Variants in TENT5C observed in about 807,000 individuals in gnomAD.
TENT5C encodes the protein terminal nucleotidyltransferase 5C, also known as family with sequence similarity 46 member C.
TENT5C carries 5 observed loss-of-function variants against 22.2 expected under a neutral mutation model. The ratio of observed to expected loss-of-function variants is 0.22; its 90% CI spans 0.12 to 0.47. The LOEUF (loss-of-function observed/expected upper bound fraction) is 0.47, where lower values mean the gene tolerates loss of function less well. Among genes scored for constraint, TENT5C ranks in the 20% least tolerant of loss-of-function variants. The pLI, the probability that TENT5C is intolerant of heterozygous loss-of-function variation, is 0.99. For synonymous variants in TENT5C, 199 were observed against 195.4 expected (o/e 1.02, Z -0.15); for missense variants, 364 against 500.9 (o/e 0.73, Z 2.61).
chr1:117,625,843 G>A lies in TENT5C; in HGVS notation c.*1799G>A, dbSNP rs1467679258. 1 of 247,760 alleles carries A rather than the reference G, an allele frequency of 4.0e-6. No individual in the cohort carries two copies. Among genetic ancestry groups the A allele is most frequent in the Non-Finnish European group, 8.5e-6 (1 of 118,016 alleles). The allele number at this position is 247,760 out of a possible 1,614,324, so 15.3% of individuals were successfully genotyped here. A position where few individuals can be genotyped will look rare whatever the true frequency, so the allele number is the denominator to read the frequency against. Reference sequence around the variant, plus strand: ...TCAAGGCTTAGCTGGTATCTATGTTGTGCTACATTAGGTGACTAGAAGCCA... The same window carrying A: ...TCAAGGCTTAGCTGGTATCTATGTTATGCTACATTAGGTGACTAGAAGCCA... On this transcript the variant is annotated 3_prime_UTR_variant, in exon 2 of 2. Coordinates refer to ENST00000369448, the MANE Select transcript of TENT5C (RefSeq NM_017709.4).
At chr1:117,606,676 A>T (rs888825477) in intron 1 of TENT5C, among the ~76,000 whole-genome samples, 19 of 151,990 alleles carry the variant, frequency 1.3e-4, no homozygotes, top group Non-Finnish European at 5.9e-5. Flanking sequence ...CGGCGGTTTC[A>T]CTAGGCGCAG....
At chr1:117,612,174 C>A (rs1027437844) in intron 1 of TENT5C, among the ~76,000 whole-genome samples, 1 of 152,184 alleles carries the variant, frequency 6.6e-6, no homozygotes, top group Non-Finnish European at 1.5e-5. Context: ...TTGTCTCTTT[C>A]TTCCCAGTGC....
chr1:117,624,069 G>A lies in TENT5C; in HGVS notation c.*25G>A. 2 of 1,584,306 alleles carry A rather than the reference G, an allele frequency of 1.3e-6. No homozygotes were observed. Among genetic ancestry groups the A allele is most frequent in the Non-Finnish European group, 1.7e-6 (2 of 1,162,476 alleles). On this transcript the variant is annotated 3_prime_UTR_variant, in exon 2 of 2. Coordinates refer to ENST00000369448, the MANE Select transcript of TENT5C (RefSeq NM_017709.4). ...ACCTTGAGACCTGAGGGTTTCCACA[G>A]TGGGAACCCCAATAGGGCTAGGGCT...
intron 1 of TENT5C, among the ~76,000 whole-genome samples, chr1:117,610,349 C>A (rs1653639296): frequency 6.6e-6 from 1 of 152,118 alleles, no homozygotes; most frequent in South Asian, 2.1e-4. Flanking sequence ...CCCCCCATGG[C>A]AGAGTCTCCC....
In TENT5C at chr1:117,623,486, C is replaced by A; in HGVS notation, c.618C>A (p.Phe206Leu). The change falls in exon 2 of 2, where the codon TTC becomes TTA. Residue 206 changes from phenylalanine to leucine, a missense_variant. Phe to Leu is a conservative substitution (Grantham distance 22). Transcript: ENST00000369448. ...CCAATAATCCCATCTCTGAGCACTT[C>A]CACCCCACCGTGATTGGGGAGAGCA... ...DCSNNPISEHFHPTVIGESMY... is the reference protein window; with the variant it reads ...DCSNNPISEHLHPTVIGESMY... 1 of 1,614,072 alleles carries A rather than the reference C, an allele frequency of 6.2e-7. No individual in the cohort carries two copies. The highest frequency in any genetic ancestry group is 8.5e-7 in the Non-Finnish European group (1 of 1,180,006).
At chr1:117,615,880 C>T (rs926803295) in intron 1 of TENT5C, among the ~76,000 whole-genome samples, 3 of 152,124 alleles carry the variant, frequency 2.0e-5, no homozygotes, top group Admixed American at 6.5e-5. Context: ...ATGGTGGGGA[C>T]GGGGCAATGG....
rs1443052985 is a variant in TENT5C, at chr1:117,625,336, G to C, written c.*1292G>C. ...CATTCCAGTATATTTGGGAAGAATT[G>C]AGTGAATGAGAATGCTCTTCCTTAT... On this transcript the variant is annotated 3_prime_UTR_variant, in exon 2 of 2. Coordinates refer to ENST00000369448, the MANE Select transcript of TENT5C (RefSeq NM_017709.4). The C allele has an allele frequency of 4.0e-6, 1 of 248,034 alleles. No individual in the cohort carries two copies. The highest frequency in any genetic ancestry group is 2.2e-5 in the African/African-American group (1 of 45,344). 15.4% of individuals were successfully genotyped at this position (248,034 alleles called of 1,614,324 possible).
rs770804707 is a variant in TENT5C at position 117,623,464 on chromosome 1, A to G, written c.596A>G (p.Asn199Ser). ...DSLLFFYDCS[N>S]NPISEHFHPT... ...TTGCTTTTCTTCTATGACTGTTCCAATAATCCCATCTCTGAGCACTTCCAC... is the reference window on the plus strand; with the variant it reads ...TTGCTTTTCTTCTATGACTGTTCCAGTAATCCCATCTCTGAGCACTTCCAC... The change falls in exon 2 of 2, where the codon AAT becomes AGT. Residue 199 changes from asparagine to serine, a missense_variant. By Grantham distance (46) the Asn-to-Ser change is conservative. Transcript: ENST00000369448. 1.2e-6 allele frequency: 2 copies of G among 1,614,114 alleles called. No individual in the cohort carries two copies. Among genetic ancestry groups the G allele is most frequent in the Non-Finnish European group, 1.7e-6 (2 of 1,180,034 alleles).
At chr1:117,620,366 G>C (rs763025570) in intron 1 of TENT5C, among the ~76,000 whole-genome samples, 1 of 152,110 alleles carries the variant, frequency 6.6e-6, no homozygotes, top group African/African-American at 2.4e-5. Flanking sequence ...TCTGGTTTCC[G>C]TGTGACTTCT....
chr1:117,623,971 TCAG>T lies in TENT5C; in HGVS notation c.1106_1108del (p.Ser369del). On this transcript the variant is annotated inframe_deletion, in exon 2 of 2. Transcript: ENST00000369448. The stretch of plus-strand genomic sequence containing the variant: ...GCCCCTTACGTCAGTGATGGCAACT[TCAG>T]CAACTACTACGTTGCCCATCCTCCA... 1 of 1,613,938 alleles carries T rather than the reference TCAG, an allele frequency of 6.2e-7. No individual in the cohort carries two copies. The highest frequency in any genetic ancestry group is 8.5e-7 in the Non-Finnish European group (1 of 1,179,968).
At chr1:117,612,658 T>C (rs931574490) in intron 1 of TENT5C, among the ~76,000 whole-genome samples, 2 of 152,176 alleles carry the variant, frequency 1.3e-5, no homozygotes, top group African/African-American at 2.4e-5. Context: ...GAAGGATCCA[T>C]GCAAAACAAA....
At chr1:117,614,463 A>T (rs1341310201) in intron 1 of TENT5C, among the ~76,000 whole-genome samples, 5 of 152,192 alleles carry the variant, frequency 3.3e-5, no homozygotes, top group Non-Finnish European at 7.3e-5. Flanking sequence ...CAGGTTCAGC[A>T]TTCATGAGGT....
intron 1 of TENT5C, among the ~76,000 whole-genome samples, chr1:117,621,323 A>G (rs1052629652): frequency 7.2e-5 from 11 of 152,128 alleles, no homozygotes; most frequent in African/African-American, 2.4e-4. Context: ...TCCCCTCTCC[A>G]TAAGTGAACT....
intron 1 of TENT5C, 38 bp from the exon 2 acceptor site, chr1:117,622,804 A>G: frequency 1.4e-6 from 2 of 1,440,038 alleles, no homozygotes; most frequent in Admixed American, 1.8e-5. Context: ...GCCATGTAGA[A>G]GTGAATCCTA....
Position 117,623,376 on chromosome 1 carries a change from G to T in TENT5C, c.508G>T (p.Val170Phe), listed in dbSNP as rs1282197258. Reference protein sequence around the residue: ...KNGKNVELKFVDSIRRQFEFS... With the variant: ...KNGKNVELKFFDSIRRQFEFS... ...CGGGAAGAACGTGGAGCTGAAGTTTGTCGACTCCATTCGGCGTCAGTTTGA... is the reference window on the plus strand; with the variant it reads ...CGGGAAGAACGTGGAGCTGAAGTTTTTCGACTCCATTCGGCGTCAGTTTGA... The change falls in exon 2 of 2, where the codon GTC (valine) becomes TTC (phenylalanine). Residue 170 changes from valine (V) to phenylalanine (F), a missense_variant. Val to Phe is a conservative substitution (Grantham distance 50). Coordinates refer to ENST00000369448, the MANE Select transcript of TENT5C (RefSeq NM_017709.4). The T allele has an allele frequency of 6.2e-7, 1 of 1,614,176 alleles. No individual in the cohort carries two copies.
intron 1 of TENT5C, among the ~76,000 whole-genome samples, chr1:117,616,975 G>T (rs1378160926): frequency 6.6e-6 from 1 of 152,138 alleles, no homozygotes; most frequent in Non-Finnish European, 1.5e-5. Flanking sequence ...TAAGAACCTT[G>T]TGGACGGTTT....
At chr1:117,622,815 A>C in intron 1 of TENT5C, 27 bp from the exon 2 acceptor site, 1 of 1,522,980 alleles carries the variant, frequency 6.6e-7, no homozygotes, top group Non-Finnish European at 9.0e-7. Context: ...GTGAATCCTA[A>C]CTCTGCTTCT....
At chr1:117,614,869 C>G (rs918120802) in intron 1 of TENT5C, among the ~76,000 whole-genome samples, 4 of 152,208 alleles carry the variant, frequency 2.6e-5, no homozygotes, top group Admixed American at 2.0e-4. Context: ...GGTTCTCTCT[C>G]TCTTCTGGAC....
At chr1:117,608,502 A>G (rs973654761) in intron 1 of TENT5C, among the ~76,000 whole-genome samples, 7 of 152,198 alleles carry the variant, frequency 4.6e-5, no homozygotes, top group African/African-American at 1.7e-4. Flanking sequence ...AGAATTCCTC[A>G]TATTTCTGAA....
Sources: gnomAD v4.1 joint callset for allele counts (sites outside exome capture counted in the v4.1 genomes callset) on GRCh38, gnomAD v4.1.1 for gene constraint, MANE v1.5 for transcripts, NCBI Gene and HGNC (gene_info 2026-07-23, HGNC 2026-07-21) for gene names.